Variants in TNFSF11 observed in about 807,000 individuals in gnomAD.
The protein encoded by TNFSF11 is TNF superfamily member 11.
Under a neutral mutation model 32.2 loss-of-function variants are expected in TNFSF11, and 12 were observed. That is an observed-to-expected ratio of 0.37 (90% CI 0.24 to 0.60). The LOEUF (loss-of-function observed/expected upper bound fraction) is 0.60. Ranked by LOEUF, TNFSF11 falls within the 20% of genes least tolerant of loss-of-function variation. The pLI, the probability that TNFSF11 is intolerant of heterozygous loss-of-function variation, is 0.66. For missense variants in TNFSF11, 345 were observed against 398.0 expected, an observed-to-expected ratio of 0.87 and a Z score of 1.13; for synonymous variants, 172 against 152.1, an observed-to-expected ratio of 1.13 and a Z score of -0.96.
chr13:42,599,349 C>CTATCTATTATCTATCTATCT (rs11385072), intron 2 of TNFSF11, among the ~76,000 whole-genome samples: 4 of 112,186 alleles, frequency 3.6e-5, no homozygotes, highest in African/African-American at 1.4e-4. Flanking sequence ...ATCTATCTAT[C>CTATCTATTATCTATCTATCT]ATCTATCTAT....
At chr13:42,594,551 T>A (rs1348224166) in intron 2 of TNFSF11, among the ~76,000 whole-genome samples, 1 of 152,222 alleles carries the variant, frequency 6.6e-6, no homozygotes, top group African/African-American at 2.4e-5. Context: ...AATGTTTAAA[T>A]TGCCTGAAGC....
chr13:42,575,136 C>T (rs772583028), intron 1 of TNFSF11, among the ~76,000 whole-genome samples: 26 of 152,126 alleles, frequency 1.7e-4, no homozygotes, highest in Non-Finnish European at 2.9e-4. Context: ...GGGGGCTCTG[C>T]GGCTGTGGCG....
Position 42,599,372 on chromosome 13 carries a change from C to CTATCTATT in TNFSF11, c.388-1373_388-1372insTTATCTAT, listed in dbSNP as rs1555310751. Reference sequence around the variant, plus strand: ...ATCATCTATCTATCTATCTATCTATCTATCTATCTATCTGTCTATCTCAAA... The same window carrying CTATCTATT: ...ATCATCTATCTATCTATCTATCTATCTATCTATTTATCTATCTATCTGTCTATCTCAAA... On this transcript the variant is annotated intron_variant, in intron 2 of 4. Coordinates refer to ENST00000398795, the MANE Select transcript of TNFSF11 (RefSeq NM_003701.4). Among the ~76,000 whole-genome samples the CTATCTATT allele has an allele frequency of 5.2e-3, 786 of 150,888 alleles. 3 individuals are homozygous for CTATCTATT. Among genetic ancestry groups the CTATCTATT allele is most frequent in the African/African-American group, 0.014 (562 of 40,894 alleles).
chr13:42,563,122 C>T (rs964905470), intron 1 of TNFSF11, among the ~76,000 whole-genome samples: 4 of 152,152 alleles, frequency 2.6e-5, no homozygotes, highest in Non-Finnish European at 5.9e-5. Flanking sequence ...GCTCAGAGAG[C>T]ACCAACCCAG....
intron 4 of TNFSF11, among the ~76,000 whole-genome samples, chr13:42,605,619 A>G (rs1400379682): frequency 1.3e-5 from 2 of 152,210 alleles, no homozygotes; most frequent in Admixed American, 1.3e-4. Flanking sequence ...AAGCTGTAGC[A>G]AGAGGACCAG....
At chr13:42,580,938 A>G (rs961278405) in intron 1 of TNFSF11, among the ~76,000 whole-genome samples, 188 bp from the exon 2 acceptor site, 1 of 152,234 alleles carries the variant, frequency 6.6e-6, no homozygotes, top group African/African-American at 2.4e-5. Flanking sequence ...GATGATAGTC[A>G]GTTACTCGTT....
Position 42,574,439 on chromosome 13 carries a change from C to G in TNFSF11, c.136C>G (p.Arg46Gly), listed in dbSNP as rs1410642550. 1.9e-6 allele frequency: 3 copies of G among 1,605,902 alleles called. No homozygotes were observed. The highest frequency in any genetic ancestry group is 2.5e-6 in the Non-Finnish European group (3 of 1,178,926). ...PAPHQPPAAS[R>G]SMFVALLGLG... is the part of the protein sequence containing the mutation. Reference sequence around the variant, plus strand: ...GCCGCACCAGCCCCCTGCCGCCTCCCGCTCCATGTTCGTGGCCCTCCTGGG... The same window carrying G: ...GCCGCACCAGCCCCCTGCCGCCTCCGGCTCCATGTTCGTGGCCCTCCTGGG... Residue 46 changes from arginine (R) to glycine (G), a missense_variant, in exon 1 of 5, where the codon CGC becomes GGC. Transcript: ENST00000398795.
At chr13:42,597,513 T>G (rs1032668350) in intron 2 of TNFSF11, among the ~76,000 whole-genome samples, 21 of 151,968 alleles carry the variant, frequency 1.4e-4, no homozygotes, top group African/African-American at 5.1e-4. Context: ...AGGACAAACT[T>G]TCCCTGTCCG....
chr13:42,601,555 C>T (rs1206937342), intron 4 of TNFSF11, among the ~76,000 whole-genome samples: 2 of 152,254 alleles, frequency 1.3e-5, no homozygotes, highest in Non-Finnish European at 2.9e-5. Context: ...TCTCTGCCTA[C>T]AGCTACTGTA....
chr13:42,570,430 A>C, upstream of TNFSF11, among the ~76,000 whole-genome samples: 1 of 152,198 alleles, frequency 6.6e-6, no homozygotes, highest in East Asian at 1.9e-4. Flanking sequence ...TTAATACACT[A>C]AGGTACTAGG....
intron 2 of TNFSF11, among the ~76,000 whole-genome samples, chr13:42,590,118 T>C (rs996486495): frequency 6.6e-6 from 1 of 152,244 alleles, no homozygotes; most frequent in Non-Finnish European, 1.5e-5. Flanking sequence ...TGTGGGATGT[T>C]TCCTTTCTAC....
At chr13:42,572,374 G>T (rs1293097041), upstream of TNFSF11, among the ~76,000 whole-genome samples, 1 of 152,192 alleles carries the variant, frequency 6.6e-6, no homozygotes, top group Non-Finnish European at 1.5e-5. Context: ...TAAAATCATT[G>T]TGGGTTTAGT....
At chr13:42,598,142 T>A (rs941843969) in intron 2 of TNFSF11, among the ~76,000 whole-genome samples, 2 of 152,212 alleles carry the variant, frequency 1.3e-5, no homozygotes, top group African/African-American at 4.8e-5. Context: ...CCATCATGCC[T>A]GGCCTGGCTT....
rs373404093 is a variant in TNFSF11 at position 42,606,648 on chromosome 13, A to C, written c.684A>C (p.Ser228=). The change falls in exon 5 of 5, where the codon TCA becomes TCC. Residue 228 remains serine, a synonymous_variant. Coordinates refer to ENST00000398795, the MANE Select transcript of TNFSF11 (RefSeq NM_003701.4). Reference sequence around the variant, plus strand: ...TTTGCTTTCGACATCATGAAACTTCAGGAGACCTAGCTACAGAGTATCTTC... The same window carrying C: ...TTTGCTTTCGACATCATGAAACTTCCGGAGACCTAGCTACAGAGTATCTTC... ...ANICFRHHET[S]GDLATEYLQL... The C allele has an allele frequency of 5.0e-6, 8 of 1,614,128 alleles. No individual in the cohort carries two copies. Among genetic ancestry groups the C allele is most frequent in the Non-Finnish European group, 6.8e-6 (8 of 1,180,054 alleles).
intron 2 of TNFSF11, among the ~76,000 whole-genome samples, chr13:42,596,570 A>G (rs1868818568): frequency 6.6e-6 from 1 of 152,196 alleles, no homozygotes; most frequent in South Asian, 2.1e-4. Context: ...GTGAAGCCTT[A>G]TTCTCTCTCT....
In TNFSF11 at chr13:42,574,468, G is replaced by A. The variant is rs575298176; in HGVS notation, c.165G>A (p.Leu55=). Residue 55 remains leucine (L), a synonymous_variant, in exon 1 of 5, where the codon CTG becomes CTA. Transcript: ENST00000398795. ...CCATGTTCGTGGCCCTCCTGGGGCT[G>A]GGGCTGGGCCAGGTTGTCTGCAGCG... ...SRSMFVALLG[L]GLGQVVCSVA... is the part of the protein sequence containing the mutation. 69 of 1,609,128 alleles carry A rather than the reference G, an allele frequency of 4.3e-5. No homozygotes were observed. The South Asian group carries it at 7.3e-4, about 17-fold the overall frequency.
upstream of TNFSF11, among the ~76,000 whole-genome samples, chr13:42,573,506 T>C (rs1205221461): frequency 6.6e-6 from 1 of 152,226 alleles, no homozygotes; most frequent in Non-Finnish European, 1.5e-5. Context: ...TGCTTCTGGC[T>C]ACACGCCCCT....
chr13:42,590,872 G>A (rs887705838), intron 2 of TNFSF11, among the ~76,000 whole-genome samples: 3 of 152,138 alleles, frequency 2.0e-5, no homozygotes, highest in Admixed American at 1.3e-4. Flanking sequence ...CATACCCATC[G>A]CACTCCCAGG....
At chr13:42,580,827 A>G (rs1873566450) in intron 1 of TNFSF11, among the ~76,000 whole-genome samples, 1 of 152,118 alleles carries the variant, frequency 6.6e-6, no homozygotes, top group Non-Finnish European at 1.5e-5. Context: ...GAACACTTTC[A>G]TGTTGTTAGA....
Sources: allele counts gnomAD v4.1 joint callset (sites outside exome capture counted in the v4.1 genomes callset), GRCh38; gene constraint gnomAD v4.1.1; transcripts MANE v1.5; gene names NCBI Gene and HGNC (gene_info 2026-07-23, HGNC 2026-07-21).